Variants in DENND4B observed in about 807,000 individuals in gnomAD.
The protein encoded by DENND4B is DENN domain containing 4B.
Under a neutral mutation model 161.0 loss-of-function variants are expected in DENND4B, and 67 were observed. That is an observed-to-expected ratio of 0.42 (90% confidence interval 0.34 to 0.51). The LOEUF is 0.51. Ranked by LOEUF, DENND4B falls within the 20% of genes least tolerant of loss-of-function variation. The probability of loss-of-function intolerance (pLI) is 0.08; values close to 1 mark genes in which losing one functional copy is unlikely to be tolerated. For missense variants in DENND4B, 1,481 were observed against 1,968.0 expected (o/e 0.75, Z 4.68); for synonymous variants, 753 against 813.8 (o/e 0.93, Z 1.27).
In DENND4B at chr1:153,942,745, C is replaced by T. The variant is rs1288892625; in HGVS notation, c.571-120G>A. The T allele has an allele frequency of 2.0e-6, 3 of 1,474,728 alleles. No individual in the cohort carries two copies. The highest frequency in any genetic ancestry group is 2.7e-6 in the Non-Finnish European group (3 of 1,109,342). 91.4% of individuals were successfully genotyped at this position (1,474,728 alleles called of 1,614,324 possible). A position where few individuals can be genotyped will look rare whatever the true frequency, so the allele number is the denominator to read the frequency against. ...TTTAAAGCTCCCATTAATCCCAGTG[C>T]CCCAAGACCAGAGTTACCCCTCTGG... On this transcript the variant is annotated intron_variant, in intron 3 of 27. Transcript: ENST00000361217. This position sits in a 1 kb window ranked among gnomAD's most constrained non-coding sequence, Gnocchi z 6.9.
In DENND4B at chr1:153,934,019, T is replaced by C; in HGVS notation, c.2941+116A>G. 6.8e-7 allele frequency: 1 copy of C among 1,472,922 alleles called. No homozygotes were observed. Among genetic ancestry groups the C allele is most frequent in the Non-Finnish European group, 9.0e-7 (1 of 1,109,250 alleles). 91.2% of individuals were successfully genotyped at this position (1,472,922 alleles called of 1,614,324 possible). A position where few individuals can be genotyped will look rare whatever the true frequency, so the allele number is the denominator to read the frequency against. ...TTCTGGGCGAGATTCCCTCAGAATC[T>C]ACAGCACCCACCACAGAGGGCCGCC... On this transcript the variant is annotated intron_variant, in intron 19 of 27. Transcript: ENST00000361217. This position sits in a 1 kb window ranked among gnomAD's most constrained non-coding sequence, Gnocchi z 5.3.
rs1327778661 is a variant in DENND4B, at chr1:153,932,221, C to T, written c.3979G>A (p.Gly1327Arg). The stretch of plus-strand genomic sequence containing the variant: ...GCACTGACCTGGGAGTGCGAAGGCC[C>T]ATCACAGGAGGCCAGCACCAGGCCT... ...LPGLVLASCD[G>R]PSHSQAPSPW... The change falls in exon 24 of 28, where the codon GGG becomes AGG. Residue 1327 changes from glycine (G) to arginine (R), a missense_variant. Coordinates refer to ENST00000361217, the MANE Select transcript of DENND4B (RefSeq NM_014856.3). The surrounding 1 kb of genome is among the most constrained non-coding windows in gnomAD (Gnocchi z 5.8). 6.2e-7 allele frequency: 1 copy of T among 1,613,832 alleles called. No homozygotes were observed. Among genetic ancestry groups the T allele is most frequent in the Admixed American group, 1.7e-5 (1 of 60,004 alleles).
In DENND4B at chr1:153,933,010, G is replaced by A; in HGVS notation, c.3474C>T (p.Ser1158=). 6.2e-7 allele frequency: 1 copy of A among 1,613,898 alleles called. No individual in the cohort carries two copies. The highest frequency in any genetic ancestry group is 8.5e-7 in the Non-Finnish European group (1 of 1,179,866). ...CCAGCGAATCACAGGCACGGCACAG[G>A]GAGCAGCTGGACAGCAGAATCTGTG... The part of the protein sequence containing the change: ...PSLEILLSSC[S]LCRACDSLVY... Residue 1158 remains serine, a synonymous_variant, in exon 22 of 28, where the codon TCC becomes TCT. Coordinates refer to ENST00000361217, the MANE Select transcript of DENND4B (RefSeq NM_014856.3). This position sits in a 1 kb window ranked among gnomAD's most constrained non-coding sequence, Gnocchi z 5.7.
In DENND4B at chr1:153,933,083, G is replaced by A; in HGVS notation, c.3454-53C>T. The stretch of plus-strand genomic sequence containing the variant: ...GTGCTGTCTGGCCGCCAGCACTCTG[G>A]AGCCCATGCCCCTTCCCCAGCCCCT... On this transcript the variant is annotated intron_variant, in intron 21 of 27. Transcript: ENST00000361217. The surrounding 1 kb of genome is among the most constrained non-coding windows in gnomAD (Gnocchi z 5.7). 1 of 1,610,598 alleles carries A rather than the reference G, an allele frequency of 6.2e-7. No individual in the cohort carries two copies. Among genetic ancestry groups the A allele is most frequent in the Non-Finnish European group, 8.5e-7 (1 of 1,177,634 alleles).
chr1:153,937,378 C>T lies in DENND4B; in HGVS notation c.2232+110G>A. On this transcript the variant is annotated intron_variant, in intron 15 of 27. Transcript: ENST00000361217. The surrounding 1 kb of genome is among the most constrained non-coding windows in gnomAD (Gnocchi z 4.7). ...CCAAGCACATTTAAACTCCTAACAACCTCATGGGTTAAGTATTATTGTTAT... is the reference window on the plus strand; with the variant it reads ...CCAAGCACATTTAAACTCCTAACAATCTCATGGGTTAAGTATTATTGTTAT... The T allele has an allele frequency of 7.1e-7, 1 of 1,412,902 alleles. No homozygotes were observed. Among genetic ancestry groups the T allele is most frequent in the South Asian group, 1.6e-5 (1 of 62,918 alleles). The allele number at this position is 1,412,902 out of a possible 1,614,324, so 87.5% of individuals were successfully genotyped here. A position where few individuals can be genotyped will look rare whatever the true frequency, so the allele number is the denominator to read the frequency against.
At position 153,942,658 on chromosome 1, in the gene DENND4B, C is replaced by T. The variant is rs1009552999; in HGVS notation, c.571-33G>A. On this transcript the variant is annotated intron_variant, in intron 3 of 27. Coordinates refer to ENST00000361217, the MANE Select transcript of DENND4B (RefSeq NM_014856.3). The surrounding 1 kb of genome is among the most constrained non-coding windows in gnomAD (Gnocchi z 6.9). ...AGAAATGGCAAGAGACAAGCAGATA[C>T]ATAGCTAACAAAGGTTTCTGGGGTC... 1.9e-6 allele frequency: 3 copies of T among 1,555,626 alleles called. No individual in the cohort carries two copies. The highest frequency in any genetic ancestry group is 2.4e-5 in the South Asian group (2 of 83,018).
Position 153,930,615 on chromosome 1 carries a change from G to A in DENND4B, c.4281-12C>T. On this transcript the variant is annotated splice_polypyrimidine_tract_variant and intron_variant, in intron 26 of 27. Transcript: ENST00000361217. This position sits in a 1 kb window ranked among gnomAD's most constrained non-coding sequence, Gnocchi z 4.7. ...CACGGTAGATTCCCCTTTAGTGGAGGCAGAAGTGTATGAGTGAGAGAAAAG... is the reference window on the plus strand; with the variant it reads ...CACGGTAGATTCCCCTTTAGTGGAGACAGAAGTGTATGAGTGAGAGAAAAG... 1 of 1,613,962 alleles carries A rather than the reference G, an allele frequency of 6.2e-7. No homozygotes were observed. Among genetic ancestry groups the A allele is most frequent in the Non-Finnish European group, 8.5e-7 (1 of 1,179,850 alleles).
chr1:153,937,776 G>A lies in DENND4B; in HGVS notation c.2053C>T (p.Pro685Ser), dbSNP rs1320457044. ...TCTGGTAAGGCAGGCTCCTCGGGAGGTGTGATAAAGACAGTGAGCTCACTT... is the reference window on the plus strand; with the variant it reads ...TCTGGTAAGGCAGGCTCCTCGGGAGATGTGATAAAGACAGTGAGCTCACTT... ...SGSELTVFIT[P>S]PEEPALPEGS... is the part of the protein sequence containing the mutation. Residue 685 changes from proline to serine, a missense_variant, in exon 14 of 28, where the codon CCT becomes TCT. Pro to Ser is a moderately conservative substitution (Grantham distance 74, BLOSUM62 -1). Coordinates refer to ENST00000361217, the MANE Select transcript of DENND4B (RefSeq NM_014856.3). This position sits in a 1 kb window ranked among gnomAD's most constrained non-coding sequence, Gnocchi z 4.7. The A allele has an allele frequency of 6.2e-7, 1 of 1,613,922 alleles. No homozygotes were observed. Among genetic ancestry groups the A allele is most frequent in the South Asian group, 1.1e-5 (1 of 91,092 alleles).
chr1:153,933,372 G>C lies in DENND4B; in HGVS notation c.3331-53C>G. On this transcript the variant is annotated intron_variant, in intron 20 of 27. Coordinates refer to ENST00000361217, the MANE Select transcript of DENND4B (RefSeq NM_014856.3). The surrounding 1 kb of genome is among the most constrained non-coding windows in gnomAD (Gnocchi z 5.7). ...GCCAACCCCATGCTCTTCCACCCAG[G>C]ATATGTGTTTCAAGCACCCCTCAGA... The C allele has an allele frequency of 1.2e-6, 2 of 1,612,178 alleles. No individual in the cohort carries two copies. The highest frequency in any genetic ancestry group is 1.7e-4 in the Middle Eastern group (1 of 6,060).
At position 153,932,635 on chromosome 1, in the gene DENND4B, C is replaced by G. The variant is rs1679027091; in HGVS notation, c.3759+7G>C. On this transcript the variant is annotated splice_region_variant and intron_variant, in intron 23 of 27. Coordinates refer to ENST00000361217, the MANE Select transcript of DENND4B (RefSeq NM_014856.3). This position sits in a 1 kb window ranked among gnomAD's most constrained non-coding sequence, Gnocchi z 5.8. Reference sequence around the variant, plus strand: ...CGTTCCTCATGCCCCTTTGGCCCAGCCCTTACCCCCATGTGCCCGTTGCAG... The same window carrying G: ...CGTTCCTCATGCCCCTTTGGCCCAGGCCTTACCCCCATGTGCCCGTTGCAG... The G allele has an allele frequency of 1.2e-6, 2 of 1,610,624 alleles. No homozygotes were observed.
At position 153,937,941 on chromosome 1, in the gene DENND4B, T is replaced by C; in HGVS notation, c.1966-78A>G. ...GCCAGGGTGTCTAGACGATGGCATC[T>C]CCCAGGAAAGCTCATCCACAAGGAA... On this transcript the variant is annotated intron_variant, in intron 13 of 27. Transcript: ENST00000361217. The surrounding 1 kb of genome is among the most constrained non-coding windows in gnomAD (Gnocchi z 4.7). 6.3e-7 allele frequency: 1 copy of C among 1,588,308 alleles called. No individual in the cohort carries two copies. The highest frequency in any genetic ancestry group is 8.6e-7 in the Non-Finnish European group (1 of 1,163,552).
At position 153,934,985 on chromosome 1, in the gene DENND4B, C is replaced by G. The variant is rs890205602; in HGVS notation, c.2569-21G>C. The stretch of plus-strand genomic sequence containing the variant: ...ACAGCCTACCAAGCACAGTGCCCAT[C>G]AGGATGGCCTACCTCGACACCCTAA... On this transcript the variant is annotated intron_variant, in intron 17 of 27. Transcript: ENST00000361217. This position sits in a 1 kb window ranked among gnomAD's most constrained non-coding sequence, Gnocchi z 5.3. The G allele has an allele frequency of 6.2e-7, 1 of 1,607,168 alleles. No homozygotes were observed. The highest frequency in any genetic ancestry group is 8.5e-7 in the Non-Finnish European group (1 of 1,179,338).
rs774662631 is a variant in DENND4B, at chr1:153,930,414, G to C, written c.4374C>G (p.Ala1458=). The change falls in exon 28 of 28, where the codon GCC becomes GCG. Residue 1458 remains alanine (A), a synonymous_variant. Coordinates refer to ENST00000361217, the MANE Select transcript of DENND4B (RefSeq NM_014856.3). This position sits in a 1 kb window ranked among gnomAD's most constrained non-coding sequence, Gnocchi z 4.7. ...CCATGCTGCTGGCCAGCTTGTTAAA[G>C]GCAGACTTGTACTTCTTATCGAAGG... ...IVAFDKKYKS[A]FNKLASSMGK... 3 of 1,613,890 alleles carry C rather than the reference G, an allele frequency of 1.9e-6. No homozygotes were observed. Among genetic ancestry groups the C allele is most frequent in the Non-Finnish European group, 1.7e-6 (2 of 1,179,890 alleles).
Position 153,933,694 on chromosome 1 carries a change from C to T in DENND4B, c.3119G>A (p.Gly1040Glu), listed in dbSNP as rs1345971473. ...ATCCTGTCGCCCACCAGCCTTGGGTCCCCGCCCACTTAGCCCTTCCAGGGC... is the reference window on the plus strand; with the variant it reads ...ATCCTGTCGCCCACCAGCCTTGGGTTCCCGCCCACTTAGCCCTTCCAGGGC... ...TEALEGLSGR[G>E]PKAGGRQDEA... is the part of the protein sequence containing the mutation. The change falls in exon 20 of 28, where the codon GGA becomes GAA. Residue 1040 changes from glycine to glutamate, a missense_variant. Around this residue, in one of 3 missense-constraint regions of DENND4B, gnomAD observed 339 missense variants for 330.3 expected, o/e 1.03. Transcript: ENST00000361217. The surrounding 1 kb of genome is among the most constrained non-coding windows in gnomAD (Gnocchi z 5.7). 6.3e-7 allele frequency: 1 copy of T among 1,576,824 alleles called. No individual in the cohort carries two copies. The highest frequency in any genetic ancestry group is 1.3e-5 in the African/African-American group (1 of 74,100).
chr1:153,940,564 A>T lies in DENND4B; in HGVS notation c.1369T>A (p.Cys457Ser). Residue 457 changes from cysteine to serine, a missense_variant, in exon 10 of 28, where the codon TGC (cysteine) becomes AGC (serine). Physicochemically the swap from Cys to Ser is moderately radical, Grantham distance 112. This residue lies in a region of DENND4B where 806 missense variants were observed against 1,134.4 expected (regional missense o/e 0.71). Transcript: ENST00000361217. The surrounding 1 kb of genome is among the most constrained non-coding windows in gnomAD (Gnocchi z 5.6). ...LHWQCPYIPL[C>S]PLVLADVLSA... ...AGCACATCTGCCAGCACCAGCGGGCACAGAGGAATGTAGGGGCACTGCCAG... is the reference window on the plus strand; with the variant it reads ...AGCACATCTGCCAGCACCAGCGGGCTCAGAGGAATGTAGGGGCACTGCCAG... 1.2e-6 allele frequency: 2 copies of T among 1,613,598 alleles called. No homozygotes were observed. Among genetic ancestry groups the T allele is most frequent in the Non-Finnish European group, 1.7e-6 (2 of 1,179,744 alleles).
At chr1:153,941,789 C>A in intron 6 of DENND4B, 80 bp downstream of exon 6, 2 of 1,382,556 alleles carry the variant, frequency 1.4e-6, no homozygotes, top group East Asian at 2.4e-5. Context: ...TCCCCCCACC[C>A]ACATCTGAAT....
At chr1:153,945,562 ACACACACACACACGCACACACACACG>A (rs1190814328) in intron 1 of DENND4B, among the ~76,000 whole-genome samples, 1 of 151,770 alleles carries the variant, frequency 6.6e-6, no homozygotes, top group East Asian at 1.9e-4. Flanking sequence ...GGACACACAC[ACACACACACACACGCACACACACACG>A]CACACACGTA....
rs762271289 is a variant in DENND4B at position 153,939,652 on chromosome 1, G to A, written c.1756C>T (p.Arg586Cys). Residue 586 changes from arginine to cysteine, a missense_variant, in exon 12 of 28, where the codon CGC becomes TGC. Physicochemically the swap from Arg to Cys is radical, Grantham distance 180. Around this residue, in one of 3 missense-constraint regions of DENND4B, gnomAD observed 806 missense variants for 1,134.4 expected, o/e 0.71. Coordinates refer to ENST00000361217, the MANE Select transcript of DENND4B (RefSeq NM_014856.3). The stretch of plus-strand genomic sequence containing the variant: ...TCGGAGGGGGCCTGGGTGAGTGGGC[G>A]CAGGAAGACCCGGTAGCCCTTGAGC... ...CLLKGYRVFL[R>C]PLTQAPSEGA... The A allele has an allele frequency of 6.2e-6, 10 of 1,613,758 alleles. No homozygotes were observed. Among genetic ancestry groups the A allele is most frequent in the South Asian group, 3.3e-5 (3 of 91,088 alleles).
At chr1:153,941,138 G>C (rs1679640522) in intron 8 of DENND4B, 90 bp from the exon 9 acceptor site, 10 of 1,574,304 alleles carry the variant, frequency 6.4e-6, no homozygotes, top group Non-Finnish European at 6.9e-6. Context: ...CCTGGACCCA[G>C]CCTGCATAAA....
Sources: gnomAD v4.1 joint callset for allele counts (sites outside exome capture counted in the v4.1 genomes callset) on GRCh38, gnomAD v4.1.1 for gene constraint, gnomAD v4.1.1 regional missense constraint, Gnocchi (gnomAD v3.1) non-coding constraint, MANE v1.5 for transcripts, NCBI Gene and HGNC (gene_info 2026-07-23, HGNC 2026-07-21) for gene names.